Variants in CHD3 observed in about 807,000 individuals in gnomAD.
CHD3 encodes chromodomain helicase DNA binding protein 3.
CHD3 carries 52 observed loss-of-function variants against 248.9 expected under a neutral mutation model. The observed-to-expected ratio is 0.21, with a 90% CI of 0.17 to 0.26. The LOEUF is 0.26. Among genes scored for constraint, CHD3 ranks in the 10% least tolerant of loss-of-function variants. CHD3 has a pLI of 1.00. For missense variants in CHD3, 1,482 were observed against 2,605.8 expected (o/e 0.57, Z 9.39); for synonymous variants, 985 against 985.2 (o/e 1.00, Z 0.00).
upstream of CHD3, among the ~76,000 whole-genome samples, chr17:7,888,109 G>T (rs1221260841): frequency 3.3e-5 from 5 of 152,196 alleles, no homozygotes. Context: ...AGGGGGAGCC[G>T]GCTGCTGGGG....
chr17:7,891,188 A>G (rs997596925), intron 4 of CHD3, 124 bp downstream of exon 4: 8 of 1,125,332 alleles, frequency 7.1e-6, no homozygotes, highest in Non-Finnish European at 1.0e-5. Context: ...TATACACACC[A>G]AATTCTACAC....
chr17:7,900,573 C>T lies in CHD3; in HGVS notation c.2820C>T (p.Phe940=), dbSNP rs147380106. The T allele has an allele frequency of 6.2e-5, 100 of 1,613,506 alleles. No individual in the cohort carries two copies. Among genetic ancestry groups the T allele is most frequent in the African/African-American group, 1.1e-4 (8 of 74,856 alleles). The change falls in exon 18 of 40, where the codon TTC becomes TTT. Residue 940 remains phenylalanine (F), a synonymous_variant. Transcript: ENST00000330494. This position sits in a 1 kb window ranked among gnomAD's most constrained non-coding sequence, Gnocchi z 6.5. ...TPERFNNLEG[F]LEEFADISKE... is the part of the protein sequence containing the mutation. Reference sequence around the variant, plus strand: ...TGGCTCTTAGCAACTTGGAGGGCTTCCTGGAGGAGTTTGCTGACATATCCA... The same window carrying T: ...TGGCTCTTAGCAACTTGGAGGGCTTTCTGGAGGAGTTTGCTGACATATCCA...
In CHD3 at chr17:7,905,197, T is replaced by C. The variant is rs1179381197; in HGVS notation, c.4138+32T>C. On this transcript the variant is annotated intron_variant, in intron 26 of 39. Transcript: ENST00000330494. The surrounding 1 kb of genome is among the most constrained non-coding windows in gnomAD (Gnocchi z 5.8). ...TCTGTGTTCCTGACTCTACCTCACC[T>C]CTTCCCGTTTTATTTTCCAGTTTGC... The C allele has an allele frequency of 1.3e-6, 2 of 1,597,824 alleles. No individual in the cohort carries two copies. Among genetic ancestry groups the C allele is most frequent in the Admixed American group, 3.3e-5 (2 of 59,992 alleles).
Position 7,907,602 on chromosome 17 carries a change from C to A in CHD3, c.4926C>A (p.Ala1642=). 6.6e-7 allele frequency: 1 copy of A among 1,512,076 alleles called. No individual in the cohort carries two copies. Among genetic ancestry groups the A allele is most frequent in the Non-Finnish European group, 8.8e-7 (1 of 1,132,262 alleles). 93.7% of individuals were successfully genotyped at this position (1,512,076 alleles called of 1,614,324 possible). A position where few individuals can be genotyped will look rare whatever the true frequency, so the allele number is the denominator to read the frequency against. Residue 1642 remains alanine, a splice_region_variant and synonymous_variant, in exon 33 of 40, where the codon GCC becomes GCA. Transcript: ENST00000330494. This position sits in a 1 kb window ranked among gnomAD's most constrained non-coding sequence, Gnocchi z 4.3. ...CCTATCCCCTACCCCCTCCCACAGCCACAGAGTCGACGCCAGGAGAAAGGG... is the reference window on the plus strand; with the variant it reads ...CCTATCCCCTACCCCCTCCCACAGCAACAGAGTCGACGCCAGGAGAAAGGG... ...PGYRGDREKS[A]TESTPGERGE...
rs1970816039 is a variant in CHD3 at position 7,905,475 on chromosome 17, C to G, written c.4139-146C>G. The G allele has an allele frequency of 3.0e-6, 2 of 664,778 alleles. No individual in the cohort carries two copies. Among genetic ancestry groups the G allele is most frequent in the Non-Finnish European group, 2.6e-6 (1 of 386,684 alleles). The allele number at this position is 664,778 out of a possible 1,614,324, so 41.2% of individuals were successfully genotyped here. ...TTTTAGACTTAGTGGGTTAGTAGTT[C>G]TGAAGTGCTTGGGAGAGAATTGGGA... On this transcript the variant is annotated intron_variant, in intron 26 of 39. Transcript: ENST00000330494. This position sits in a 1 kb window ranked among gnomAD's most constrained non-coding sequence, Gnocchi z 5.8.
chr17:7,912,116 C>T lies in CHD3; in HGVS notation c.*531C>T, dbSNP rs1971734440. ...GGCTGCATGTTACCGTCCCCTACCT[C>T]TCCCCACGTGGAGGGTGGAGCAGTT... On this transcript the variant is annotated 3_prime_UTR_variant, in exon 40 of 40. Transcript: ENST00000330494. 1 of 235,756 alleles carries T rather than the reference C, an allele frequency of 4.2e-6. No individual in the cohort carries two copies. The highest frequency in any genetic ancestry group is 4.9e-5 in the South Asian group (1 of 20,594). The allele number at this position is 235,756 out of a possible 1,614,324, so 14.6% of individuals were successfully genotyped here.
rs185678916 is a variant in CHD3, at chr17:7,893,573, G to A, written c.793+4G>A. ...GCCAAAACCAAAGAGGGCAAAGGTAGGGAACTCTCTTCCAACAACTGTCAT... is the reference window on the plus strand; with the variant it reads ...GCCAAAACCAAAGAGGGCAAAGGTAAGGAACTCTCTTCCAACAACTGTCAT... On this transcript the variant is annotated splice_donor_region_variant and intron_variant, in intron 5 of 39. Coordinates refer to ENST00000330494, the MANE Select transcript of CHD3 (RefSeq NM_001005273.3). 524 of 1,559,222 alleles carry A rather than the reference G, an allele frequency of 3.4e-4. No individual in the cohort carries two copies. The highest frequency in any genetic ancestry group is 4.3e-4 in the Non-Finnish European group (500 of 1,152,642).
chr17:7,908,398 G>A lies in CHD3; in HGVS notation c.5153-4G>A. 6.2e-7 allele frequency: 1 copy of A among 1,611,552 alleles called. No individual in the cohort carries two copies. On this transcript the variant is annotated splice_region_variant and splice_polypyrimidine_tract_variant and intron_variant, in intron 34 of 39. Coordinates refer to ENST00000330494, the MANE Select transcript of CHD3 (RefSeq NM_001005273.3). This position sits in a 1 kb window ranked among gnomAD's most constrained non-coding sequence, Gnocchi z 5.8. ...ACCTCTTCTGTCTGCTGCCTTCTTT[G>A]CAGAGCTTCACACACTGTGGCAGAA...
Position 7,894,406 on chromosome 17 carries a change from A to G in CHD3, c.1076-9A>G, listed in dbSNP as rs749991702. On this transcript the variant is annotated splice_polypyrimidine_tract_variant and intron_variant, in intron 7 of 39. Transcript: ENST00000330494. ...TGCTTCCTTATCCCTCCACCGGGGT[A>G]TATGACAGTCCTGGGCTGTCCTGCA... 6.2e-7 allele frequency: 1 copy of G among 1,608,666 alleles called. No homozygotes were observed. Among genetic ancestry groups the G allele is most frequent in the Non-Finnish European group, 8.5e-7 (1 of 1,176,122 alleles).
chr17:7,898,186 T>A, intron 12 of CHD3, 84 bp downstream of exon 12: 1 of 1,526,898 alleles, frequency 6.5e-7, no homozygotes, highest in Non-Finnish European at 8.9e-7. Flanking sequence ...GAGGGTACAG[T>A]AGGGCCTGAT....
Position 7,907,891 on chromosome 17 carries a change from CAGA to C in CHD3, c.5028_5030del (p.Glu1676del), listed in dbSNP as rs759097722. The C allele has an allele frequency of 1.9e-6, 3 of 1,610,400 alleles. No individual in the cohort carries two copies. The highest frequency in any genetic ancestry group is 1.1e-5 in the South Asian group (1 of 90,764). ...GTGAGCTTTGACCTGTCTGTCCTAGCAGAAGATGTAAAAGGTGACCGGGAGCTT... is the reference window on the plus strand; with the variant it reads ...GTGAGCTTTGACCTGTCTGTCCTAGCAGATGTAAAAGGTGACCGGGAGCTT... On this transcript the variant is annotated splice_acceptor_variant and coding_sequence_variant, in exon 34 of 40. Coordinates refer to ENST00000330494, the MANE Select transcript of CHD3 (RefSeq NM_001005273.3). LOFTEE classifies it high-confidence loss of function. This position sits in a 1 kb window ranked among gnomAD's most constrained non-coding sequence, Gnocchi z 4.3.
Position 7,911,474 on chromosome 17 carries a change from C to T in CHD3, c.5892C>T (p.Asn1964=), listed in dbSNP as rs780818587. The change falls in exon 40 of 40, where the codon AAC becomes AAT. Residue 1964 remains asparagine, a synonymous_variant. Coordinates refer to ENST00000330494, the MANE Select transcript of CHD3 (RefSeq NM_001005273.3). This position sits in a 1 kb window ranked among gnomAD's most constrained non-coding sequence, Gnocchi z 5.4. ...PAGSFITAAT[N]GPPVLVKKEK... is the part of the protein sequence containing the mutation. Reference sequence around the variant, plus strand: ...CCCTTTCCCAAACAGCCGCCACCAACGGCCCTCCAGTGCTTGTGAAGAAGG... The same window carrying T: ...CCCTTTCCCAAACAGCCGCCACCAATGGCCCTCCAGTGCTTGTGAAGAAGG... 22 of 1,614,050 alleles carry T rather than the reference C, an allele frequency of 1.4e-5. No homozygotes were observed. Among genetic ancestry groups the T allele is most frequent in the South Asian group, 5.5e-5 (5 of 91,088 alleles).
At position 7,900,218 on chromosome 17, in the gene CHD3, G is replaced by A. The variant is rs73977776; in HGVS notation, c.2683-72G>A. Reference sequence around the variant, plus strand: ...TGAAATGGGAGCTGGGGCAGGGAAAGGCTGATGCTGTGGGTCGGTCACTTG... The same window carrying A: ...TGAAATGGGAGCTGGGGCAGGGAAAAGCTGATGCTGTGGGTCGGTCACTTG... On this transcript the variant is annotated intron_variant, in intron 16 of 39. Transcript: ENST00000330494. The surrounding 1 kb of genome is among the most constrained non-coding windows in gnomAD (Gnocchi z 6.5). 2.2e-3 allele frequency: 3,445 copies of A among 1,600,766 alleles called. 63 individuals carry two copies. In the African/African-American group the frequency reaches 0.041, roughly 19 times the overall value.
chr17:7,892,694 G>C (rs1005885068), intron 4 of CHD3, among the ~76,000 whole-genome samples: 1 of 151,884 alleles, frequency 6.6e-6, no homozygotes, highest in Non-Finnish European at 1.5e-5. Flanking sequence ...ACGGGGTTTC[G>C]CCATGTTGGC....
At position 7,889,576 on chromosome 17, in the gene CHD3, A is replaced by G; in HGVS notation, c.101-88A>G. On this transcript the variant is annotated intron_variant, in intron 1 of 39. Transcript: ENST00000330494. The surrounding 1 kb of genome is among the most constrained non-coding windows in gnomAD (Gnocchi z 4.5). ...AGTTAATGCTTCCTAGAGAGTGGGA[A>G]CTGCCGAGGTGGGGAAGGGGCAAGT... 12 of 1,055,284 alleles carry G rather than the reference A, an allele frequency of 1.1e-5. 1 individual carries two copies. The South Asian group carries it at 1.7e-4, about 15-fold the overall frequency. The allele number at this position is 1,055,284 out of a possible 1,614,324, so 65.4% of individuals were successfully genotyped here.
Position 7,912,037 on chromosome 17 carries a change from C to A in CHD3, c.*452C>A. 1 of 291,414 alleles carries A rather than the reference C, an allele frequency of 3.4e-6. No homozygotes were observed. Among genetic ancestry groups the A allele is most frequent in the Non-Finnish European group, 6.7e-6 (1 of 149,862 alleles). 18.1% of individuals were successfully genotyped at this position (291,414 alleles called of 1,614,324 possible). A position where few individuals can be genotyped will look rare whatever the true frequency, so the allele number is the denominator to read the frequency against. The stretch of plus-strand genomic sequence containing the variant: ...GAGAGCTTTGAAGAGAGGAGGGGGA[C>A]TTTAGAGAGGGATGAAAATGAGCCC... On this transcript the variant is annotated 3_prime_UTR_variant, in exon 40 of 40. Transcript: ENST00000330494.
Position 7,894,509 on chromosome 17 carries a change from A to G in CHD3, c.1170A>G (p.Glu390=), listed in dbSNP as rs1969371062. Residue 390 remains glutamate (E), a synonymous_variant, in exon 8 of 40, where the codon GAA becomes GAG. Transcript: ENST00000330494. ...GTGAGGTGTGCCAGCAGGGTGGGGA[A>G]ATTATTCTGTGTGACACCTGCCCTC... ...DYCEVCQQGG[E]IILCDTCPRA... is the part of the protein sequence containing the mutation. 5 of 1,613,964 alleles carry G rather than the reference A, an allele frequency of 3.1e-6. No homozygotes were observed. In the East Asian group the frequency reaches 1.1e-4, roughly 36 times the overall value.
In CHD3 at chr17:7,907,451, G is replaced by A. The variant is rs750047520; in HGVS notation, c.4887G>A (p.Glu1629=). The A allele has an allele frequency of 1.2e-6, 2 of 1,609,518 alleles. No individual in the cohort carries two copies. The highest frequency in any genetic ancestry group is 2.2e-5 in the East Asian group (1 of 44,856). The part of the protein sequence containing the change: ...DEVPGVPGEM[E]PEPGYRGDRE... The stretch of plus-strand genomic sequence containing the variant: ...TGCCAGGGGTGCCTGGAGAGATGGA[G>A]CCTGAACCTGGGTACCGTGGGGACA... The change falls in exon 32 of 40, where the codon GAG becomes GAA. Residue 1629 remains glutamate, a synonymous_variant. Transcript: ENST00000330494. This position sits in a 1 kb window ranked among gnomAD's most constrained non-coding sequence, Gnocchi z 4.3.
At position 7,905,927 on chromosome 17, in the gene CHD3, G is replaced by A. The variant is rs1453125529; in HGVS notation, c.4296G>A (p.Gln1432=). The change falls in exon 28 of 40, where the codon CAG becomes CAA. Residue 1432 remains glutamine, a synonymous_variant. Coordinates refer to ENST00000330494, the MANE Select transcript of CHD3 (RefSeq NM_001005273.3). The surrounding 1 kb of genome is among the most constrained non-coding windows in gnomAD (Gnocchi z 5.8). ...TGATGCGCTGGGGGATGCCACCACAGGATGCCTTCACCACACAGTGGCTGG... is the reference window on the plus strand; with the variant it reads ...TGATGCGCTGGGGGATGCCACCACAAGATGCCTTCACCACACAGTGGCTGG... ...NAVMRWGMPP[Q]DAFTTQWLVR... 13 of 1,614,076 alleles carry A rather than the reference G, an allele frequency of 8.1e-6. No individual in the cohort carries two copies. Among genetic ancestry groups the A allele is most frequent in the Non-Finnish European group, 1.1e-5 (13 of 1,180,036 alleles).
Sources: gnomAD v4.1 joint callset for allele counts (sites outside exome capture counted in the v4.1 genomes callset) on GRCh38, gnomAD v4.1.1 for gene constraint, Gnocchi (gnomAD v3.1) non-coding constraint, MANE v1.5 for transcripts, NCBI Gene and HGNC (gene_info 2026-07-23, HGNC 2026-07-21) for gene names.